CRB1: variants seen among roughly 807,000 people sequenced by gnomAD.
The protein encoded by CRB1 is protein crumbs homolog 1.
CRB1 carries 83 observed loss-of-function variants against 120.0 expected under a neutral mutation model. The observed-to-expected ratio is 0.69, with a 90% CI of 0.58 to 0.83. The LOEUF is 0.83. Ranked by LOEUF, CRB1 falls within the 40% of genes least tolerant of loss-of-function variation. CRB1 has a pLI of 0.00. For missense variants in CRB1, 1,699 were observed against 1,687.6 expected, an observed-to-expected ratio of 1.01 and a Z score of -0.12; for synonymous variants, 625 against 612.5, an observed-to-expected ratio of 1.02 and a Z score of -0.30.
intron 11 of CRB1, among the ~76,000 whole-genome samples, chr1:197,464,191 C>T (rs1466135942): frequency 6.6e-6 from 1 of 152,088 alleles, no homozygotes; most frequent in Admixed American, 6.6e-5. Context: ...CCTTTTACAC[C>T]CAACGCCGTC....
At chr1:197,254,374 T>C in the CRB1 span, among the ~76,000 whole-genome samples, 1 of 152,232 alleles carries the variant, frequency 6.6e-6, no homozygotes, top group South Asian at 2.1e-4. Context: ...GCTAAAGGTT[T>C]CAGTCCACAA....
chr1:197,261,943 A>G, the CRB1 span, among the ~76,000 whole-genome samples: 49 of 152,272 alleles, frequency 3.2e-4, no homozygotes, highest in South Asian at 9.8e-3. Flanking sequence ...AATCTATAAT[A>G]TAGAGTTGGT....
intron 4 of CRB1, among the ~76,000 whole-genome samples, chr1:197,354,226 T>C (rs899728215): frequency 6.6e-6 from 1 of 152,232 alleles, no homozygotes; most frequent in African/African-American, 2.4e-5. Flanking sequence ...TAGAGATGTT[T>C]GGCAGCTTTT....
intron 4 of CRB1, among the ~76,000 whole-genome samples, chr1:197,354,735 G>A (rs968007575): frequency 7.2e-6 from 1 of 138,162 alleles, no homozygotes; most frequent in East Asian, 2.3e-4. Context: ...AAAGCACAAA[G>A]CCTCCACAGT....
At chr1:197,252,582 A>ATATATATATGTG in the CRB1 span, among the ~76,000 whole-genome samples, 32 of 15,474 alleles carry the variant, frequency 2.1e-3, no homozygotes, top group South Asian at 6.0e-3. Context: ...ATATATATAT[A>ATATATATATGTG]TGTGTGTGTG....
chr1:197,433,098 G>A (rs1664954822), intron 8 of CRB1, among the ~76,000 whole-genome samples: 1 of 147,318 alleles, frequency 6.8e-6, no homozygotes, highest in Non-Finnish European at 1.5e-5. Context: ...GTCTTATTAT[G>A]TTGCCCAGGA....
In CRB1 at chr1:197,295,777, C is replaced by T. The variant is rs566223549; in HGVS notation, c.70+27295C>T. 4.3e-4 allele frequency among the ~76,000 whole-genome samples: 66 copies of T among 151,994 alleles called. No individual in the cohort carries two copies. The South Asian group carries it at 0.013, about 29-fold the overall frequency. On this transcript the variant is annotated intron_variant, in intron 1 of 11. Coordinates refer to ENST00000367400, the MANE Select transcript of CRB1 (RefSeq NM_201253.3). ...TGTGAATTAGATCTTCTCTGAAGTG[C>T]GACATATGGCTGAGGATCTAATCTT...
chr1:197,317,167 C>A (rs148842035), intron 1 of CRB1, among the ~76,000 whole-genome samples: 1 of 152,130 alleles, frequency 6.6e-6, no homozygotes, highest in African/African-American at 2.4e-5. Context: ...CCTGTAATCC[C>A]AGCACTTTGG....
intron 11 of CRB1, among the ~76,000 whole-genome samples, chr1:197,475,187 T>C (rs1307205623): frequency 6.6e-6 from 1 of 152,232 alleles, no homozygotes; most frequent in East Asian, 1.9e-4. Context: ...AACATATTTC[T>C]AATGATCTAA....
the CRB1 span, chr1:197,222,891 G>A: frequency 4.2e-5 from 53 of 1,268,586 alleles, no homozygotes; most frequent in Non-Finnish European, 6.1e-5. Context: ...GCATTACAGG[G>A]AAGACTCTGA....
rs779483869 is a variant in CRB1, at chr1:197,328,982, A to G, written c.631A>G (p.Ile211Val). 28 of 1,613,092 alleles carry G rather than the reference A, an allele frequency of 1.7e-5. No homozygotes were observed. The highest frequency in any genetic ancestry group is 2.3e-5 in the Non-Finnish European group (27 of 1,179,928). Residue 211 changes from isoleucine to valine, a missense_variant, in exon 2 of 12, where the codon ATC becomes GTC. Physicochemically the swap from Ile to Val is conservative, Grantham distance 29. Transcript: ENST00000367400. ...CLNEIGRYTC[I>V]CPHNYSGVNC... Reference sequence around the variant, plus strand: ...CAATGAAATAGGAAGATATACTTGTATCTGTCCCCACAATTATTCTGGTAA... The same window carrying G: ...CAATGAAATAGGAAGATATACTTGTGTCTGTCCCCACAATTATTCTGGTAA...
intron 11 of CRB1, among the ~76,000 whole-genome samples, chr1:197,471,334 C>T (rs1243695752): frequency 6.6e-6 from 1 of 152,180 alleles, no homozygotes; most frequent in Non-Finnish European, 1.5e-5. Context: ...CTGCTAACTG[C>T]AGTCTTACAG....
At chr1:197,424,396 A>C (rs1664477539) in intron 6 of CRB1, among the ~76,000 whole-genome samples, 1 of 152,282 alleles carries the variant, frequency 6.6e-6, no homozygotes, top group East Asian at 1.9e-4. Flanking sequence ...TATCTGAAGA[A>C]AAGTATCTCG....
At chr1:197,230,267 C>T in the CRB1 span, among the ~76,000 whole-genome samples, 5 of 152,110 alleles carry the variant, frequency 3.3e-5, no homozygotes, top group African/African-American at 1.2e-4. Flanking sequence ...ATGAAAAATA[C>T]AATTGGAGAA....
chr1:197,408,991 G>A lies in CRB1; in HGVS notation c.1172-12009G>A, dbSNP rs114541268. Among the ~76,000 whole-genome samples the A allele has an allele frequency of 4.6e-3, 701 of 152,262 alleles. 9 individuals are homozygous for A. Among genetic ancestry groups the A allele is most frequent in the African/African-American group, 0.016 (655 of 41,556 alleles). On this transcript the variant is annotated intron_variant, in intron 5 of 11. Transcript: ENST00000367400. ...GTGAAACTGAAATGCAAGGCTTTTT[G>A]CAGCTATTTTGTCTTTCGTTTGAAG... is the stretch of plus-strand genomic sequence containing the variant.
rs921400605 is a variant in CRB1 at position 197,296,376 on chromosome 1, A to T, written c.70+27894A>T. On this transcript the variant is annotated intron_variant, in intron 1 of 11. Coordinates refer to ENST00000367400, the MANE Select transcript of CRB1 (RefSeq NM_201253.3). ...TTAATTGACATCATCATGGTAAATGATTTAAAAAGTGCCAAACTGTACCTG... is the reference window on the plus strand; with the variant it reads ...TTAATTGACATCATCATGGTAAATGTTTTAAAAAGTGCCAAACTGTACCTG... 3.3e-5 allele frequency among the ~76,000 whole-genome samples: 5 copies of T among 152,184 alleles called. No homozygotes were observed. In the South Asian group the frequency reaches 6.2e-4, roughly 19 times the overall value.
At chr1:197,237,506 C>T in the CRB1 span, among the ~76,000 whole-genome samples, 9 of 152,186 alleles carry the variant, frequency 5.9e-5, no homozygotes, top group African/African-American at 9.6e-5. Context: ...TGTAGGTATT[C>T]GGTTTGAATA....
In CRB1 at chr1:197,421,885, G is replaced by A. The variant is rs1281817527; in HGVS notation, c.2057G>A (p.Arg686His). ...AGCCAACCTTGTCAAAGCAGAGGAC[G>A]CTGCATCAACTTGTGGCTGAGTTAC... ...CESQPCQSRG[R>H]CINLWLSYQC... Residue 686 changes from arginine to histidine, a missense_variant, in exon 6 of 12, where the codon CGC becomes CAC. By Grantham distance (29) the Arg-to-His change is conservative. Transcript: ENST00000367400. The A allele has an allele frequency of 2.5e-6, 4 of 1,614,204 alleles. No homozygotes were observed. The highest frequency in any genetic ancestry group is 2.2e-5 in the East Asian group (1 of 44,876).
At chr1:197,204,989 A>G in the CRB1 span, among the ~76,000 whole-genome samples, 1 of 152,148 alleles carries the variant, frequency 6.6e-6, no homozygotes, top group Non-Finnish European at 1.5e-5. Flanking sequence ...GGTTAGGTGT[A>G]TTCCTAAGAA....
Sources: allele counts gnomAD v4.1 joint callset (sites outside exome capture counted in the v4.1 genomes callset), GRCh38; gene constraint gnomAD v4.1.1; transcripts MANE v1.5; gene names NCBI Gene and HGNC (gene_info 2026-07-23, HGNC 2026-07-21).